PPP2R2C: variants seen among roughly 807,000 people sequenced by gnomAD.
The protein encoded by PPP2R2C is protein phosphatase 2, regulatory subunit B, gamma.
PPP2R2C carries 10 observed loss-of-function variants against 45.3 expected under a neutral mutation model. The observed-to-expected ratio is 0.22, with a 90% CI of 0.14 to 0.37. The LOEUF is 0.37. PPP2R2C is among the 10% of genes least tolerant of loss of function. PPP2R2C has a pLI of 1.00. For missense variants in PPP2R2C, 308 were observed against 619.7 expected (o/e 0.50, Z 5.34); for synonymous variants, 257 against 245.4 (o/e 1.05, Z -0.44).
chr4:6,562,149 C>A (rs1190904061), intron 1 of PPP2R2C, among the ~76,000 whole-genome samples: 1 of 152,150 alleles, frequency 6.6e-6, no homozygotes, highest in Non-Finnish European at 1.5e-5. Context: ...AGCAGGCGAC[C>A]AGGGCGTGGT....
chr4:6,384,182 G>T, intron 1 of PPP2R2C: 1 of 985,382 alleles, frequency 1.0e-6, no homozygotes, highest in Non-Finnish European at 1.2e-6. Flanking sequence ...GCAGAAGCCA[G>T]AACCACCCAG....
intron 1 of PPP2R2C, among the ~76,000 whole-genome samples, chr4:6,385,442 C>T (rs1341137086): frequency 1.3e-5 from 2 of 152,288 alleles, no homozygotes; most frequent in South Asian, 2.1e-4. Flanking sequence ...GAAGAAAGTC[C>T]ATCTTCTCAT....
chr4:6,327,668 A>T (rs1220480781), intron 8 of PPP2R2C, among the ~76,000 whole-genome samples: 1 of 152,138 alleles, frequency 6.6e-6, no homozygotes, highest in Non-Finnish European at 1.5e-5. Context: ...GGTGTCTGGG[A>T]TCTATCTGGG....
Position 6,472,307 on chromosome 4 carries a change from C to T in PPP2R2C, c.-78G>A. On this transcript the variant is annotated 5_prime_UTR_variant, in exon 1 of 9. Coordinates refer to ENST00000382599, the MANE Select transcript of PPP2R2C (RefSeq NM_020416.4). ...ATCCGCAGAGGTCGCGCCGGGCGCG[C>T]GGGCCATGCCGCCGCAGCCTAGCAG... 1.3e-6 allele frequency: 2 copies of T among 1,579,046 alleles called. No homozygotes were observed. The highest frequency in any genetic ancestry group is 1.7e-6 in the Non-Finnish European group (2 of 1,163,614).
At chr4:6,501,934 A>G (rs931548088) in intron 2 of PPP2R2C, among the ~76,000 whole-genome samples, 19 of 152,240 alleles carry the variant, frequency 1.2e-4, no homozygotes, top group African/African-American at 4.6e-4. Context: ...GCAGGTGCTT[A>G]GAAAGCATTT....
chr4:6,433,890 CA>C (rs1299377658), intron 1 of PPP2R2C, among the ~76,000 whole-genome samples: 2 of 152,200 alleles, frequency 1.3e-5, no homozygotes, highest in Non-Finnish European at 2.9e-5. Context: ...AGCTTATGGT[CA>C]CAACCTAAGC....
chr4:6,467,974 T>A (rs1268677370), intron 1 of PPP2R2C, among the ~76,000 whole-genome samples: 1 of 152,128 alleles, frequency 6.6e-6, no homozygotes, highest in African/African-American at 2.4e-5. Flanking sequence ...CAGAACTGAC[T>A]CCCACATCCA....
At chr4:6,448,503 G>A (rs1470115395) in intron 1 of PPP2R2C, among the ~76,000 whole-genome samples, 1 of 152,006 alleles carries the variant, frequency 6.6e-6, no homozygotes, top group East Asian at 1.9e-4. Context: ...AGACCCTCGA[G>A]GTCAGCCCGT....
At chr4:6,503,829 T>G (rs911792835) in intron 2 of PPP2R2C, among the ~76,000 whole-genome samples, 1 of 151,356 alleles carries the variant, frequency 6.6e-6, no homozygotes, top group Non-Finnish European at 1.5e-5. Context: ...GAATTCTGCT[T>G]CTAGCAATGC....
At position 6,347,901 on chromosome 4, in the gene PPP2R2C, G is replaced by A. The variant is rs780686553; in HGVS notation, c.735C>T (p.Gly245=). Residue 245 remains glycine (G), a synonymous_variant, in exon 6 of 9, where the codon GGC becomes GGT. Coordinates refer to ENST00000382599, the MANE Select transcript of PPP2R2C (RefSeq NM_020416.4). The part of the protein sequence containing the change: ...CNLFVYSSSK[G]SLRLCDMRAA... ...CCCGCATGTCGCAGAGCCGCAGGGA[G>A]CCCTTGCTGCTGCTGTAGACGAAGA... The A allele has an allele frequency of 2.5e-6, 4 of 1,613,814 alleles. No homozygotes were observed. Among genetic ancestry groups the A allele is most frequent in the Non-Finnish European group, 3.4e-6 (4 of 1,179,980 alleles).
At chr4:6,349,270 T>G in intron 5 of PPP2R2C, 1 of 985,444 alleles carries the variant, frequency 1.0e-6, no homozygotes, top group Non-Finnish European at 1.2e-6. Context: ...GCCCTGGAGT[T>G]GGAAGGTCTG....
At chr4:6,346,891 C>T (rs1219561765) in intron 6 of PPP2R2C, among the ~76,000 whole-genome samples, 1 of 152,332 alleles carries the variant, frequency 6.6e-6, no homozygotes, top group East Asian at 1.9e-4. Flanking sequence ...TTTCCAGACA[C>T]TGTGGTAGGT....
intron 1 of PPP2R2C, among the ~76,000 whole-genome samples, chr4:6,446,107 G>A (rs889326634): frequency 6.6e-6 from 1 of 152,070 alleles, no homozygotes; most frequent in African/African-American, 2.4e-5. Context: ...GAAAAAGCCA[G>A]TAACAGTGGC....
chr4:6,450,441 C>T (rs771619455), intron 1 of PPP2R2C, among the ~76,000 whole-genome samples: 100 of 152,280 alleles, frequency 6.6e-4, no homozygotes, highest in Admixed American at 1.4e-3. Flanking sequence ...AATCAAGCAA[C>T]GGTTCAGCCT....
intron 2 of PPP2R2C, among the ~76,000 whole-genome samples, chr4:6,512,095 G>A (rs1334521843): frequency 5.8e-5 from 3 of 51,546 alleles, no homozygotes; most frequent in Admixed American, 4.3e-4. Context: ...GGTGGTGGTG[G>A]TGGTGGTGGT....
chr4:6,413,261 GCA>G (rs36106442), intron 1 of PPP2R2C, among the ~76,000 whole-genome samples: 6 of 151,750 alleles, frequency 4.0e-5, no homozygotes, highest in Admixed American at 3.9e-4. Flanking sequence ...TCATGTACTC[GCA>G]CACACATTGT....
chr4:6,549,498 C>T (rs1560616867), intron 1 of PPP2R2C, among the ~76,000 whole-genome samples: 1 of 152,164 alleles, frequency 6.6e-6, no homozygotes, highest in African/African-American at 2.4e-5. Flanking sequence ...AAGGTGAGGC[C>T]CTCAGGAGTG....
rs1711792419 is a variant in PPP2R2C at position 6,345,560 on chromosome 4, G to C, written c.790+2286C>G. Reference sequence around the variant, plus strand: ...AGACAGGAGGGTCAGAGACGTGAGAGAGGCTTGGCCGCTGTGGGCTGGGAG... The same window carrying C: ...AGACAGGAGGGTCAGAGACGTGAGACAGGCTTGGCCGCTGTGGGCTGGGAG... On this transcript the variant is annotated intron_variant, in intron 6 of 8. Transcript: ENST00000382599. The surrounding 1 kb of genome is among the most constrained non-coding windows in gnomAD (Gnocchi z 5.3). Among the ~76,000 whole-genome samples, 3 of 152,162 alleles carry C rather than the reference G, an allele frequency of 2.0e-5. No individual in the cohort carries two copies. In the South Asian group the frequency reaches 6.2e-4, roughly 32 times the overall value.
chr4:6,396,672 G>A (rs116392535), intron 1 of PPP2R2C, among the ~76,000 whole-genome samples: 222 of 152,344 alleles, frequency 1.5e-3, no homozygotes, highest in African/African-American at 5.0e-3. Context: ...ATGCCTTAAG[G>A]TGTGGGCATT....
Sources: allele counts gnomAD v4.1 joint callset (sites outside exome capture counted in the v4.1 genomes callset), GRCh38; gene constraint gnomAD v4.1.1; non-coding constraint Gnocchi (gnomAD v3.1); transcripts MANE v1.5; gene names NCBI Gene and HGNC (gene_info 2026-07-23, HGNC 2026-07-21).